Variants in KANTR observed in about 807,000 individuals in gnomAD.
The protein encoded by KANTR is KANTR integral membrane protein.
chrX:53,098,984 G>A (rs781836377), intron 1 of KANTR, among the ~76,000 whole-genome samples: 2 of 109,879 alleles, frequency 1.8e-5, no homozygotes, highest in Admixed American at 9.7e-5. Context: ...CTCAGCCTCC[G>A]GAGTAGCTGG....
Position 53,107,333 on chromosome X carries a change from G to A in KANTR, c.-805+7725G>A, listed in dbSNP as rs1932967904. Among the ~76,000 whole-genome samples, 3 of 57,592 alleles carry A rather than the reference G, an allele frequency of 5.2e-5. 1 individual carries two copies. In the South Asian group the frequency reaches 3.4e-3, roughly 66 times the overall value. The allele number at this position is 57,592 out of a possible 115,157, so 50.0% of individuals were successfully genotyped here. On this transcript the variant is annotated intron_variant, in intron 2 of 2. Coordinates refer to ENST00000604062, the Ensembl canonical transcript of KANTR. ...TTTTTTTTTTTTTTTTGTAGAGACA[G>A]GGTCTTGCTTTGTAGCCCAGGCTGA...
downstream of KANTR, among the ~76,000 whole-genome samples, chrX:53,132,175 A>G (rs1277007372): frequency 3.6e-5 from 4 of 111,825 alleles, no homozygotes; most frequent in Non-Finnish European, 7.5e-5. Context: ...ATTCTCCCCA[A>G]ATTGATCCAT....
chrX:53,144,012 AT>A, downstream of KANTR: 1 of 220,170 alleles, frequency 4.5e-6, no homozygotes, highest in East Asian at 1.0e-4. Context: ...GAAGTTAACA[AT>A]TAGCCAAATA....
At chrX:53,095,483 A>G (rs1367976332) in intron 1 of KANTR, among the ~76,000 whole-genome samples, 1 of 110,116 alleles carries the variant, frequency 9.1e-6, no homozygotes, top group Non-Finnish European at 1.9e-5. Context: ...GAAATGCTTC[A>G]CTATTCTAAA....
intron 2 of KANTR, among the ~76,000 whole-genome samples, chrX:53,101,417 G>C (rs1932892218): frequency 9.0e-6 from 1 of 111,438 alleles, no homozygotes; most frequent in African/African-American, 3.3e-5. Context: ...ACCAGCCTGG[G>C]CAACATGGCA....
At chrX:53,124,147 C>G in exon 3 of KANTR, 2 of 292,358 alleles carry the variant, frequency 6.8e-6, no homozygotes, top group Non-Finnish European at 1.2e-5. Context: ...TTGAGGATTT[C>G]TTTTTCTTCT....
Position 53,124,128 on chromosome X carries a change from A to G in KANTR, c.-145A>G, listed in dbSNP as rs1933262946. 1 of 288,788 alleles carries G rather than the reference A, an allele frequency of 3.5e-6. No homozygotes were observed. Among genetic ancestry groups the G allele is most frequent in the Non-Finnish European group, 6.0e-6 (1 of 165,763 alleles). The allele number at this position is 288,788 out of a possible 1,213,427, so 23.8% of individuals were successfully genotyped here. A position where few individuals can be genotyped will look rare whatever the true frequency, so the allele number is the denominator to read the frequency against. On this transcript the variant is annotated 5_prime_UTR_variant, in exon 3 of 3. An upstream start codon of the reference 5' UTR is lost. Transcript: ENST00000604062. ...TACTGCTGTAACTCCTTTAGTAGCT[A>G]TGGAACTGTTGAGGATTTCTTTTTC...
At chrX:53,109,392 C>A (rs1032084988) in intron 2 of KANTR, among the ~76,000 whole-genome samples, 74 of 112,396 alleles carry the variant, frequency 6.6e-4, no homozygotes, top group Admixed American at 3.8e-4. Context: ...TCAAACGATT[C>A]TCCTGCCTCA....
At chrX:53,116,596 G>A (rs1933127350) in intron 2 of KANTR, among the ~76,000 whole-genome samples, 1 of 111,652 alleles carries the variant, frequency 9.0e-6, no homozygotes, top group Non-Finnish European at 1.9e-5. Context: ...GGAGGGTTAG[G>A]GAGGGAGGAT....
exon 3 of KANTR, chrX:53,124,790 G>A: frequency 6.1e-6 from 1 of 163,261 alleles, no homozygotes; most frequent in Non-Finnish European, 1.2e-5. Flanking sequence ...TGTGGTTTGT[G>A]TGACAACAAC....
chrX:53,104,460 CA>C (rs1204221672), intron 2 of KANTR, among the ~76,000 whole-genome samples: 1 of 110,087 alleles, frequency 9.1e-6, no homozygotes, highest in Non-Finnish European at 1.9e-5. Flanking sequence ...CTCCTGACCT[CA>C]AGTGATCCAC....
At chrX:53,106,173 A>T (rs1328949965) in intron 2 of KANTR, among the ~76,000 whole-genome samples, 2 of 109,619 alleles carry the variant, frequency 1.8e-5, no homozygotes, top group Non-Finnish European at 3.8e-5. Context: ...TATGAATTAT[A>T]AATATTTTCT....
chrX:53,118,760 CAA>C (rs34089615), intron 2 of KANTR, among the ~76,000 whole-genome samples: 2,242 of 88,222 alleles, frequency 0.025, 25 homozygotes, highest in Non-Finnish European at 0.038. Context: ...GACTCTGTCT[CAA>C]AAAAAAAAAA....
At chrX:53,122,895 T>C (rs1556815709) in intron 2 of KANTR, among the ~76,000 whole-genome samples, 1 of 111,400 alleles carries the variant, frequency 9.0e-6, no homozygotes, top group African/African-American at 3.3e-5. Context: ...TCTCAGGCTG[T>C]TCTTATTGGC....
intron 2 of KANTR, among the ~76,000 whole-genome samples, chrX:53,140,031 TTAAAA>T (rs1178151120): frequency 1.8e-5 from 2 of 112,308 alleles, no homozygotes; most frequent in Admixed American, 1.9e-4. Context: ...GTATGAGGAA[TTAAAA>T]TAACAGTGAG....
rs1933501278 is a variant in KANTR at position 53,141,507 on chromosome X, T to A, written n.204-341T>A. ...ATCAGAATCAGCATCTATTATTAGG[T>A]GCTGCTTTAAAGGAACATAACTGAT... is the stretch of plus-strand genomic sequence containing the variant. On this transcript the variant is annotated intron_variant and non_coding_transcript_variant, in intron 2 of 2. Coordinates refer to the KANTR transcript ENST00000366185. 2.7e-5 allele frequency among the ~76,000 whole-genome samples: 3 copies of A among 111,768 alleles called. No homozygotes were observed. In the Admixed American group the frequency reaches 2.9e-4, roughly 11 times the overall value.
chrX:53,097,350 G>GTTTTTTTTTTT (rs781783647), intron 1 of KANTR, among the ~76,000 whole-genome samples: 18 of 67,996 alleles, frequency 2.6e-4, no homozygotes, highest in Non-Finnish European at 4.0e-4. Flanking sequence ...TTTGTTTTAA[G>GTTTTTTTTTTT]TTTTTTTTTT....
intron 2 of KANTR, among the ~76,000 whole-genome samples, chrX:53,106,707 T>C (rs781957281): frequency 9.0e-6 from 1 of 110,877 alleles, no homozygotes; most frequent in Non-Finnish European, 1.9e-5. Context: ...CATTTTGAGT[T>C]AATATTTGTG....
At chrX:53,113,324 C>CAA (rs782346690) in intron 2 of KANTR, 74 of 60,717 alleles carry the variant, frequency 1.2e-3, no homozygotes, top group South Asian at 2.5e-3. Context: ...AAAACACACA[C>CAA]ACAAAAAAAA....
Sources: gnomAD v4.1 joint callset for allele counts (sites outside exome capture counted in the v4.1 genomes callset) on GRCh38, gnomAD v4.1.1 for gene constraint, MANE v1.5 for transcripts, NCBI Gene and HGNC (gene_info 2026-07-23, HGNC 2026-07-21) for gene names.